The following IL15RA variants were observed in gnomAD, a reference collection of about 807,000 sequenced individuals.
The protein encoded by IL15RA is interleukin-15 receptor subunit alpha.
Under a neutral mutation model 24.2 loss-of-function variants are expected in IL15RA, and 26 were observed. The ratio of observed to expected loss-of-function variants is 1.07; its 90% CI spans 0.79 to 1.49. IL15RA has a LOEUF of 1.49. Among genes scored for constraint, IL15RA ranks in the 40% most tolerant of loss-of-function variants. The probability of loss-of-function intolerance (pLI) is 0.00; values close to 1 mark genes in which losing one functional copy is unlikely to be tolerated. For synonymous variants in IL15RA, 166 were observed against 157.6 expected (o/e 1.05, Z -0.40); for missense variants, 354 against 356.4 (o/e 0.99, Z 0.05).
downstream of IL15RA, chr10:5,950,635 C>T (rs77932147): frequency 0.035 from 5,304 of 152,364 alleles, 302 homozygotes; most frequent in African/African-American, 0.12. The surrounding 1 kb of genome is among the most constrained non-coding windows in gnomAD (Gnocchi z 5.6). Flanking sequence ...CCTGGGCCAG[C>T]CTTGTGACTC....
At chr10:5,954,186 T>TCC (rs530226699) in intron 6 of IL15RA, among the ~76,000 whole-genome samples, 5 of 138,150 alleles carry the variant, frequency 3.6e-5, no homozygotes, top group Non-Finnish European at 7.7e-5. Context: ...TTTTTTTTTT[T>TCC]TCTGAGACAG....
upstream of IL15RA, among the ~76,000 whole-genome samples, chr10:5,978,471 T>A (rs545315730): frequency 1.2e-4 from 18 of 152,216 alleles, no homozygotes; most frequent in Non-Finnish European, 2.2e-4. The surrounding 1 kb of genome is among the most constrained non-coding windows in gnomAD (Gnocchi z 5.2). Flanking sequence ...TCTCACAACG[T>A]GTTTATGAGG....
rs758483740 is a variant in IL15RA, at chr10:5,967,367, G to A, written c.89-1028C>T. On this transcript the variant is annotated intron_variant, in intron 1 of 6. Coordinates refer to ENST00000379977, the MANE Select transcript of IL15RA (RefSeq NM_002189.4). This position sits in a 1 kb window ranked among gnomAD's most constrained non-coding sequence, Gnocchi z 4.4. The stretch of plus-strand genomic sequence containing the variant: ...CTACAGGTGCACACCACCACACCCA[G>A]CTAATTTTTGTATTTTTAGTAGAGA... Among the ~76,000 whole-genome samples, 6 of 152,156 alleles carry A rather than the reference G, an allele frequency of 3.9e-5. No homozygotes were observed. The highest frequency in any genetic ancestry group is 8.8e-5 in the Non-Finnish European group (6 of 68,022).
Position 5,971,386 on chromosome 10 carries a change from C to T in IL15RA, c.89-5047G>A, listed in dbSNP as rs1213739294. The stretch of plus-strand genomic sequence containing the variant: ...GTCACCAAAATAGTGTATGAGGCCA[C>T]ACCTCTTTCTGTTTCCCAGAACCTG... On this transcript the variant is annotated intron_variant, in intron 1 of 6. Coordinates refer to ENST00000379977, the MANE Select transcript of IL15RA (RefSeq NM_002189.4). This position sits in a 1 kb window ranked among gnomAD's most constrained non-coding sequence, Gnocchi z 5.5. Among the ~76,000 whole-genome samples the T allele has an allele frequency of 6.6e-6, 1 of 152,212 alleles. No homozygotes were observed. Among genetic ancestry groups the T allele is most frequent in the Admixed American group, 6.5e-5 (1 of 15,286 alleles).
downstream of IL15RA, chr10:5,952,303 C>T (rs1833939031): frequency 6.6e-6 from 1 of 152,458 alleles, no homozygotes; most frequent in Non-Finnish European, 1.5e-5. Flanking sequence ...ACTCAGTCAC[C>T]TTGGACTCTG....
In IL15RA at chr10:5,956,471, C is replaced by A. The variant is rs771511197; in HGVS notation, c.617-17G>T. 12 of 1,594,390 alleles carry A rather than the reference C, an allele frequency of 7.5e-6. No individual in the cohort carries two copies. The South Asian group carries it at 8.8e-5, about 12-fold the overall frequency. Reference sequence around the variant, plus strand: ...AGATAGCCACTGAAAGGGAGGAGACCACGCTGAGATACCCAGAAGCACATT... The same window carrying A: ...AGATAGCCACTGAAAGGGAGGAGACAACGCTGAGATACCCAGAAGCACATT... On this transcript the variant is annotated splice_polypyrimidine_tract_variant and intron_variant, in intron 5 of 6. Transcript: ENST00000379977.
rs1834102296 is a variant in IL15RA, at chr10:5,953,584, T to C, written c.693-378A>G. Reference sequence around the variant, plus strand: ...CATCCACCAAAGACTCACCAAGTGCTGTTGGAGCAACTTACGCCACCCTGC... The same window carrying C: ...CATCCACCAAAGACTCACCAAGTGCCGTTGGAGCAACTTACGCCACCCTGC... On this transcript the variant is annotated intron_variant, in intron 6 of 6. Coordinates refer to ENST00000379977, the MANE Select transcript of IL15RA (RefSeq NM_002189.4). This position sits in a 1 kb window ranked among gnomAD's most constrained non-coding sequence, Gnocchi z 5.3. Among the ~76,000 whole-genome samples the C allele has an allele frequency of 6.6e-6, 1 of 152,172 alleles. No individual in the cohort carries two copies. Among genetic ancestry groups the C allele is most frequent in the Non-Finnish European group, 1.5e-5 (1 of 68,020 alleles).
At chr10:5,954,462 A>AT (rs8177737) in intron 6 of IL15RA, among the ~76,000 whole-genome samples, 9,628 of 151,522 alleles carry the variant, frequency 0.064, 523 homozygotes, top group African/African-American at 0.15. Context: ...TAAAAATTAG[A>AT]TTTTTTGTGT....
At chr10:5,956,233 T>C (rs1834494810) in intron 6 of IL15RA, 146 bp downstream of exon 6, 2 of 639,178 alleles carry the variant, frequency 3.1e-6, no homozygotes, top group Non-Finnish European at 5.6e-6. Flanking sequence ...CAGGCTGGTC[T>C]CAAACTCCTG....
In IL15RA at chr10:5,967,137, T is replaced by C. The variant is rs1836701454; in HGVS notation, c.89-798A>G. On this transcript the variant is annotated intron_variant, in intron 1 of 6. Transcript: ENST00000379977. This position sits in a 1 kb window ranked among gnomAD's most constrained non-coding sequence, Gnocchi z 4.4. ...ACTCCCTTGTGTGTGCACATGTGTG[T>C]GTTAGCTTGGCAGTACTTGCAAGAT... is the stretch of plus-strand genomic sequence containing the variant. Among the ~76,000 whole-genome samples the C allele has an allele frequency of 6.6e-6, 1 of 152,232 alleles. No individual in the cohort carries two copies. The highest frequency in any genetic ancestry group is 2.4e-5 in the African/African-American group (1 of 41,466).
Position 5,971,248 on chromosome 10 carries a change from T to C in IL15RA, c.89-4909A>G, listed in dbSNP as rs1837559203. Among the ~76,000 whole-genome samples the C allele has an allele frequency of 6.6e-6, 1 of 152,214 alleles. No homozygotes were observed. Among genetic ancestry groups the C allele is most frequent in the African/African-American group, 2.4e-5 (1 of 41,456 alleles). Reference sequence around the variant, plus strand: ...ACGATAGATATTTTCTGAATACATATAATGGAATTATGAAGTAATGGAAAT... The same window carrying C: ...ACGATAGATATTTTCTGAATACATACAATGGAATTATGAAGTAATGGAAAT... On this transcript the variant is annotated intron_variant, in intron 1 of 6. Transcript: ENST00000379977. The surrounding 1 kb of genome is among the most constrained non-coding windows in gnomAD (Gnocchi z 5.5).
chr10:5,959,959 T>C lies in IL15RA; in HGVS notation c.584-173A>G, dbSNP rs958678962. ...CAAGCAGGGTAGCTCACTGAGGTGC[T>C]GGCCACACTTAAGAATCAGATAAGC... On this transcript the variant is annotated intron_variant, in intron 4 of 6. Coordinates refer to ENST00000379977, the MANE Select transcript of IL15RA (RefSeq NM_002189.4). This position sits in a 1 kb window ranked among gnomAD's most constrained non-coding sequence, Gnocchi z 4.1. Among the ~76,000 whole-genome samples, 1 of 152,214 alleles carries C rather than the reference T, an allele frequency of 6.6e-6. No homozygotes were observed. Among genetic ancestry groups the C allele is most frequent in the Non-Finnish European group, 1.5e-5 (1 of 68,042 alleles).
intron 5 of IL15RA, among the ~76,000 whole-genome samples, chr10:5,957,615 C>T (rs1266678385): frequency 2.9e-5 from 4 of 139,676 alleles, no homozygotes; most frequent in South Asian, 2.2e-4. Flanking sequence ...TTTTCTGCGA[C>T]GGAATCTCAC....
intron 1 of IL15RA, among the ~76,000 whole-genome samples, chr10:5,974,310 A>G (rs1838072661): frequency 6.6e-6 from 1 of 152,140 alleles, no homozygotes; most frequent in South Asian, 2.1e-4. Context: ...GATACAATTC[A>G]ATTTTTAAGA....
Position 5,965,355 on chromosome 10 carries a change from C to T in IL15RA, c.283+790G>A, listed in dbSNP as rs1416100802. On this transcript the variant is annotated intron_variant, in intron 2 of 6. Transcript: ENST00000379977. This position sits in a 1 kb window ranked among gnomAD's most constrained non-coding sequence, Gnocchi z 5.8. ...CCGGGGCTGGGTACTGAGAGAGGAGCAGTGATGGCTTCCAACATCCACCTT... is the reference window on the plus strand; with the variant it reads ...CCGGGGCTGGGTACTGAGAGAGGAGTAGTGATGGCTTCCAACATCCACCTT... 1.3e-5 allele frequency among the ~76,000 whole-genome samples: 2 copies of T among 152,258 alleles called. No homozygotes were observed. The highest frequency in any genetic ancestry group is 4.8e-5 in the African/African-American group (2 of 41,470).
rs1018262746 is a variant in IL15RA at position 5,953,344 on chromosome 10, C to G, written c.693-138G>C. ...CAGAGGCCCTGCCACGGGAGTCAGA[C>G]AGAGAGCACTTAGTCCTCAGAGATG... On this transcript the variant is annotated intron_variant, in intron 6 of 6. Transcript: ENST00000379977. The surrounding 1 kb of genome is among the most constrained non-coding windows in gnomAD (Gnocchi z 5.3). 1.6e-5 allele frequency: 12 copies of G among 728,146 alleles called. No individual in the cohort carries two copies. In the South Asian group the frequency reaches 1.8e-4, roughly 11 times the overall value. 45.1% of individuals were successfully genotyped at this position (728,146 alleles called of 1,614,324 possible). A position where few individuals can be genotyped will look rare whatever the true frequency, so the allele number is the denominator to read the frequency against.
chr10:5,977,308 G>C lies in IL15RA; in HGVS notation c.88+97C>G, dbSNP rs552144666. 643 of 518,134 alleles carry C rather than the reference G, an allele frequency of 1.2e-3. 6 individuals carry two copies. Among genetic ancestry groups the C allele is most frequent in the African/African-American group, 0.012 (585 of 50,460 alleles). The allele number at this position is 518,134 out of a possible 1,614,324, so 32.1% of individuals were successfully genotyped here. On this transcript the variant is annotated intron_variant, in intron 1 of 6. Coordinates refer to ENST00000379977, the MANE Select transcript of IL15RA (RefSeq NM_002189.4). ...CGCTCCCGAGGGCACCGACGCCCCC[G>C]CACGGCCCGGGGAGATGGGGCGCCC...
chr10:5,977,543 G>A lies in IL15RA; in HGVS notation c.-51C>T. On this transcript the variant is annotated 5_prime_UTR_variant, in exon 1 of 7. Transcript: ENST00000379977. ...GGACTCCCCGGGCGAGCGCTGCCCA[G>A]GCCGGGGGGAGGTGGCGAGCGCTGC... 1 of 1,279,012 alleles carries A rather than the reference G, an allele frequency of 7.8e-7. No homozygotes were observed. The highest frequency in any genetic ancestry group is 3.1e-5 in the East Asian group (1 of 31,808). The allele number at this position is 1,279,012 out of a possible 1,614,324, so 79.2% of individuals were successfully genotyped here.
intron 1 of IL15RA, chr10:5,969,067 G>T: frequency 1.7e-6 from 2 of 1,143,722 alleles, no homozygotes; most frequent in Non-Finnish European, 2.5e-6. Context: ...CGATTCCATC[G>T]ATCTATGTGT....
Sources: gnomAD v4.1 joint callset for allele counts (sites outside exome capture counted in the v4.1 genomes callset) on GRCh38, gnomAD v4.1.1 for gene constraint, Gnocchi (gnomAD v3.1) non-coding constraint, MANE v1.5 for transcripts, NCBI Gene and HGNC (gene_info 2026-07-23, HGNC 2026-07-21) for gene names.